AFF3: variants seen among roughly 807,000 people sequenced by gnomAD.
AFF3 encodes ALF transcription elongation factor 3.
A neutral mutation model predicts 129.7 loss-of-function variants in AFF3; 32 were observed. That is an observed-to-expected ratio of 0.25 (90% CI 0.19 to 0.33). The LOEUF (loss-of-function observed/expected upper bound fraction) is 0.33. AFF3 is among the 10% of genes least tolerant of loss of function. The pLI, the probability that AFF3 is intolerant of heterozygous loss-of-function variation, is 1.00. For missense variants in AFF3, 1,373 were observed against 1,592.0 expected (o/e 0.86, Z 2.34); for synonymous variants, 644 against 635.4 (o/e 1.01, Z -0.20).
At position 100,142,502 on chromosome 2, in the gene AFF3, T is replaced by G. The variant is rs373371266; in HGVS notation, c.-246A>C. Reference sequence around the variant, plus strand: ...ATCTTACCTCTCAGCTCCCGTTCCTTTTCTTTCTCTCCCCAGTAAGTCGTT... The same window carrying G: ...ATCTTACCTCTCAGCTCCCGTTCCTGTTCTTTCTCTCCCCAGTAAGTCGTT... On this transcript the variant is annotated 5_prime_UTR_variant, in exon 1 of 25. Transcript: ENST00000672756. 1.3e-5 allele frequency: 2 copies of G among 152,350 alleles called. No homozygotes were observed. The highest frequency in any genetic ancestry group is 4.8e-5 in the African/African-American group (2 of 41,462). The allele number at this position is 152,350 out of a possible 1,614,324, so 9.4% of individuals were successfully genotyped here. A position where few individuals can be genotyped will look rare whatever the true frequency, so the allele number is the denominator to read the frequency against.
At chr2:100,106,212 G>C in intron 2 of AFF3, 1 of 1,185,682 alleles carries the variant, frequency 8.4e-7, no homozygotes, top group East Asian at 5.9e-5. Context: ...TGTGCAAAAT[G>C]TAAAACGCTA....
At chr2:99,708,078 G>T (rs1037024864) in intron 11 of AFF3, among the ~76,000 whole-genome samples, 7 of 152,084 alleles carry the variant, frequency 4.6e-5, no homozygotes, top group Admixed American at 1.3e-4. Context: ...GCATAAGTAT[G>T]TCCCAAATAT....
chr2:99,940,314 T>C (rs767569488), intron 7 of AFF3, among the ~76,000 whole-genome samples: 7 of 152,198 alleles, frequency 4.6e-5, no homozygotes, highest in Non-Finnish European at 8.8e-5. Context: ...TCAGAGGCAT[T>C]TGAATCAGAG....
At chr2:99,896,897 A>G (rs1343067783) in intron 7 of AFF3, among the ~76,000 whole-genome samples, 1 of 151,880 alleles carries the variant, frequency 6.6e-6, no homozygotes, top group East Asian at 1.9e-4. Flanking sequence ...GGCCTCCCAA[A>G]GTGCTGGGAT....
chr2:99,847,167 G>C (rs939389060), intron 7 of AFF3, among the ~76,000 whole-genome samples: 1 of 151,832 alleles, frequency 6.6e-6, no homozygotes, highest in Admixed American at 6.6e-5. Context: ...TTAAATTTAT[G>C]AACATTTATA....
intron 11 of AFF3, among the ~76,000 whole-genome samples, chr2:99,706,350 T>G (rs1195268534): frequency 6.6e-6 from 1 of 152,248 alleles, no homozygotes; most frequent in Non-Finnish European, 1.5e-5. Flanking sequence ...TCAGATTGCC[T>G]GACAATTAAC....
chr2:99,745,805 TAAAAC>T (rs1456138690), intron 9 of AFF3, among the ~76,000 whole-genome samples: 7 of 152,346 alleles, frequency 4.6e-5, no homozygotes, highest in African/African-American at 1.7e-4. Context: ...TTACTTGCAT[TAAAAC>T]AAAATGTTAA....
intron 8 of AFF3, among the ~76,000 whole-genome samples, chr2:99,818,787 G>A (rs139888052): frequency 6.6e-5 from 10 of 152,192 alleles, no homozygotes; most frequent in Non-Finnish European, 1.0e-4. Context: ...TAAATCTTTA[G>A]AAATATAGTA....
intron 7 of AFF3, among the ~76,000 whole-genome samples, chr2:99,966,379 A>G (rs1301047763): frequency 6.6e-6 from 1 of 152,222 alleles, no homozygotes; most frequent in South Asian, 2.1e-4. Flanking sequence ...AACTAAACCC[A>G]GAAAAGATGG....
At chr2:99,739,363 G>A (rs1680526087) in intron 10 of AFF3, among the ~76,000 whole-genome samples, 1 of 152,068 alleles carries the variant, frequency 6.6e-6, no homozygotes, top group African/African-American at 2.4e-5. Flanking sequence ...TTTCTGGTTT[G>A]CTGATGGCAC....
At chr2:99,604,766 A>G (rs1477928733) in intron 13 of AFF3, among the ~76,000 whole-genome samples, 1 of 152,234 alleles carries the variant, frequency 6.6e-6, no homozygotes, top group Non-Finnish European at 1.5e-5. Context: ...GATGTGGAGG[A>G]AAGATATGTG....
In AFF3 at chr2:100,105,567, G is replaced by C. The variant is rs1184177088; in HGVS notation, c.-128C>G. ...AAACTTGCCGCCCGTCTCCGGTCTG[G>C]AAAGGCAGGTGATCAGCTAGAAGGG... is the stretch of plus-strand genomic sequence containing the variant. On this transcript the variant is annotated 5_prime_UTR_variant, in exon 3 of 25. Transcript: ENST00000672756. 6.0e-6 allele frequency: 8 copies of C among 1,332,862 alleles called. No individual in the cohort carries two copies. The South Asian group carries it at 9.8e-5, about 16-fold the overall frequency. 82.6% of individuals were successfully genotyped at this position (1,332,862 alleles called of 1,614,324 possible). A position where few individuals can be genotyped will look rare whatever the true frequency, so the allele number is the denominator to read the frequency against.
chr2:99,586,551 C>A, intron 16 of AFF3, among the ~76,000 whole-genome samples: 1 of 152,170 alleles, frequency 6.6e-6, no homozygotes. Flanking sequence ...ATGGAAAGAG[C>A]TTCTACGACT....
At chr2:100,042,122 T>C (rs1184009557) in intron 4 of AFF3, among the ~76,000 whole-genome samples, 2 of 152,112 alleles carry the variant, frequency 1.3e-5, no homozygotes, top group Non-Finnish European at 2.9e-5. Flanking sequence ...ACTGGCCTTC[T>C]TCCTTTGTTC....
At chr2:99,650,719 C>G (rs897761349) in intron 12 of AFF3, among the ~76,000 whole-genome samples, 1 of 151,746 alleles carries the variant, frequency 6.6e-6, no homozygotes, top group Non-Finnish European at 1.5e-5. Flanking sequence ...CATTTCCCTA[C>G]ATGAAATGAA....
chr2:99,801,266 A>T (rs763849825), intron 8 of AFF3, among the ~76,000 whole-genome samples: 23 of 152,230 alleles, frequency 1.5e-4, no homozygotes, highest in Non-Finnish European at 2.9e-4. Flanking sequence ...AACATCAGCT[A>T]AATAATTTGG....
chr2:99,956,223 A>C (rs914017980), intron 7 of AFF3, among the ~76,000 whole-genome samples: 2 of 152,150 alleles, frequency 1.3e-5, no homozygotes, highest in African/African-American at 4.8e-5. Context: ...CATTAAATTA[A>C]GGAAAGAACC....
intron 11 of AFF3, among the ~76,000 whole-genome samples, chr2:99,722,882 A>C (rs1261018741): frequency 6.6e-6 from 1 of 152,042 alleles, no homozygotes; most frequent in African/African-American, 2.4e-5. Context: ...TTTCTCCTTG[A>C]GTTCTAATTG....
intron 5 of AFF3, 74 bp downstream of exon 5, chr2:100,008,738 T>C: frequency 6.5e-7 from 1 of 1,536,378 alleles, no homozygotes; most frequent in Non-Finnish European, 8.8e-7. Context: ...GCCAATTCTT[T>C]TAGTCAAGGC....
Sources: gnomAD v4.1 joint callset for allele counts (sites outside exome capture counted in the v4.1 genomes callset) on GRCh38, gnomAD v4.1.1 for gene constraint, MANE v1.5 for transcripts, NCBI Gene and HGNC (gene_info 2026-07-23, HGNC 2026-07-21) for gene names.